ROS1: variants seen among roughly 807,000 people sequenced by gnomAD.
ROS1 encodes proto-oncogene tyrosine-protein kinase ROS.
Under a neutral mutation model 273.5 loss-of-function variants are expected in ROS1, and 263 were observed. The observed-to-expected ratio is 0.96, with a 90% confidence interval of 0.87 to 1.06. The LOEUF (loss-of-function observed/expected upper bound fraction) is 1.06. Ranked by LOEUF, ROS1 falls within the 50% of genes least tolerant of loss-of-function variation. ROS1 has a pLI of 0.00. For missense variants in ROS1, 2,833 were observed against 2,751.1 expected (o/e 1.03, Z -0.67); for synonymous variants, 1,008 against 954.1 (o/e 1.06, Z -1.04).
At chr6:117,363,994 C>T (rs1463474443) in intron 21 of ROS1, among the ~76,000 whole-genome samples, 2 of 152,100 alleles carry the variant, frequency 1.3e-5, no homozygotes, top group Admixed American at 1.3e-4. Flanking sequence ...AGGCAAAGGC[C>T]AAATCTTGTC....
At chr6:117,390,302 T>C (rs1171627761) in intron 12 of ROS1, among the ~76,000 whole-genome samples, 1 of 152,128 alleles carries the variant, frequency 6.6e-6, no homozygotes, top group Non-Finnish European at 1.5e-5. Context: ...AATTTTTGTA[T>C]TTTTTGTGGA....
At position 117,385,745 on chromosome 6, in the gene ROS1, C is replaced by A; in HGVS notation, c.2227G>T (p.Ala743Ser). 1.2e-6 allele frequency: 2 copies of A among 1,614,180 alleles called. No individual in the cohort carries two copies. Among genetic ancestry groups the A allele is most frequent in the South Asian group, 1.1e-5 (1 of 91,084 alleles). ...AGCCACTCAAAAGCTAAAGCCCCTG[C>A]TCCTGCAATGCTGGGTAGGTGATAA... ...ENYHLPSIAG[A>S]GALAFEWLGH... is the part of the protein sequence containing the mutation. The change falls in exon 16 of 44, where the codon GCA (alanine) becomes TCA (serine). Residue 743 changes from alanine (A) to serine (S), a missense_variant. Coordinates refer to ENST00000368507, the MANE Select transcript of ROS1 (RefSeq NM_001378902.1).
At chr6:117,417,779 A>C (rs559051702) in intron 2 of ROS1, among the ~76,000 whole-genome samples, 2 of 152,280 alleles carry the variant, frequency 1.3e-5, no homozygotes, top group South Asian at 2.1e-4. Context: ...TCTCTGATCG[A>C]TAGGCTTTTT....
intron 36 of ROS1, 35 bp downstream of exon 36, chr6:117,321,224 C>T (rs2128563025): frequency 6.2e-7 from 1 of 1,603,280 alleles, no homozygotes; most frequent in Non-Finnish European, 8.5e-7. Context: ...CACCCTTTGC[C>T]TAGGTGCTCC....
Position 117,379,065 on chromosome 6 carries a change from C to A in ROS1, c.2576G>T (p.Gly859Val). 1 of 1,604,538 alleles carries A rather than the reference C, an allele frequency of 6.2e-7. No homozygotes were observed. Among genetic ancestry groups the A allele is most frequent in the East Asian group, 2.2e-5 (1 of 44,812 alleles). The change falls in exon 18 of 44, where the codon GGA (glycine) becomes GTA (valine). Residue 859 changes from glycine to valine, a missense_variant. By Grantham distance (109) the Gly-to-Val change is moderately radical. Coordinates refer to ENST00000368507, the MANE Select transcript of ROS1 (RefSeq NM_001378902.1). ...CIHLYTAVLR[G>V]QSTGDTTITE... is the part of the protein sequence containing the mutation. ...TTTGAGGGACTCTACTTACCTCTGTCCCCGAAGAACAGCTGTGTACAGGTG... is the reference window on the plus strand; with the variant it reads ...TTTGAGGGACTCTACTTACCTCTGTACCCGAAGAACAGCTGTGTACAGGTG...
intron 16 of ROS1, 136 bp downstream of exon 16, chr6:117,385,547 T>C: frequency 1.3e-6 from 1 of 784,208 alleles, no homozygotes; most frequent in South Asian, 2.5e-5. Flanking sequence ...AGTGACTTGG[T>C]TTAAAGATAA....
intron 31 of ROS1, among the ~76,000 whole-genome samples, chr6:117,340,613 G>A (rs1291462895): frequency 1.3e-5 from 2 of 151,984 alleles, no homozygotes; most frequent in African/African-American, 4.8e-5. Flanking sequence ...AAATTCAGTG[G>A]GTGCTTCCTT....
intron 22 of ROS1, among the ~76,000 whole-genome samples, chr6:117,361,881 C>A (rs185833036): frequency 1.3e-5 from 2 of 152,074 alleles, no homozygotes; most frequent in East Asian, 1.9e-4. Flanking sequence ...TTGACTGATA[C>A]TCTCAACGAC....
chr6:117,309,372 A>C lies in ROS1; in HGVS notation c.6417-444T>G, dbSNP rs187351311. 4.6e-5 allele frequency among the ~76,000 whole-genome samples: 7 copies of C among 152,244 alleles called. No homozygotes were observed. The East Asian group carries it at 1.4e-3, about 29-fold the overall frequency. ...TGAATCCCCACTGTAGGCCTCCATT[A>C]TCTAAGAATTTCAGAGCATTGACAT... is the stretch of plus-strand genomic sequence containing the variant. On this transcript the variant is annotated intron_variant, in intron 41 of 43. Transcript: ENST00000368507.
chr6:117,332,757 A>G (rs9489128), intron 32 of ROS1, among the ~76,000 whole-genome samples: 3,578 of 152,310 alleles, frequency 0.023, 52 homozygotes, highest in South Asian at 0.053. Flanking sequence ...TGGGTAAATA[A>G]TGAAATTAAG....
intron 31 of ROS1, among the ~76,000 whole-genome samples, chr6:117,338,340 A>G (rs1037639937): frequency 6.6e-6 from 1 of 152,126 alleles, no homozygotes. Flanking sequence ...CACTATGTAC[A>G]GTAAGAAAGG....
At chr6:117,343,562 A>G (rs569070126) in intron 28 of ROS1, among the ~76,000 whole-genome samples, 45 of 152,350 alleles carry the variant, frequency 3.0e-4, no homozygotes, top group African/African-American at 9.6e-4. Flanking sequence ...TAGGCATACA[A>G]TGATGACTAA....
chr6:117,403,211 C>G lies in ROS1; in HGVS notation c.532G>C (p.Val178Leu), dbSNP rs1774097984. 1.2e-6 allele frequency: 2 copies of G among 1,612,256 alleles called. No homozygotes were observed. The highest frequency in any genetic ancestry group is 2.7e-5 in the African/African-American group (2 of 74,872). ...TGCAGCTGCGCTGTGAAGATCCAAA[C>G]CACTCGGAAAATGTACTCAGTGAAG... is the stretch of plus-strand genomic sequence containing the variant. ...HPFTEYIFRVVWIFTAQLQLY... is the reference protein window; with the variant it reads ...HPFTEYIFRVLWIFTAQLQLY... Residue 178 changes from valine (V) to leucine (L), a missense_variant, in exon 7 of 44, where the codon GTT (valine) becomes CTT (leucine). Val to Leu is a conservative substitution (Grantham distance 32). Transcript: ENST00000368507.
At chr6:117,365,374 T>G (rs1780129550) in intron 20 of ROS1, among the ~76,000 whole-genome samples, 170 bp from the exon 21 acceptor site, 1 of 152,136 alleles carries the variant, frequency 6.6e-6, no homozygotes. Flanking sequence ...CCAGTTAAAG[T>G]GTATCCAGCA....
chr6:117,381,795 A>AGTATT, intron 17 of ROS1, among the ~76,000 whole-genome samples: 3 of 152,170 alleles, frequency 2.0e-5, no homozygotes, highest in Admixed American at 2.0e-4. Flanking sequence ...TGATAGAAAT[A>AGTATT]CTATTAGTTC....
intron 7 of ROS1, among the ~76,000 whole-genome samples, chr6:117,401,316 T>C (rs9385009): frequency 0.066 from 10,039 of 152,058 alleles, 481 homozygotes; most frequent in East Asian, 0.15. Flanking sequence ...TTTGAACAAG[T>C]CCCTCCCCTC....
At chr6:117,319,015 A>T (rs1462417423) in intron 37 of ROS1, among the ~76,000 whole-genome samples, 2 of 152,172 alleles carry the variant, frequency 1.3e-5, no homozygotes, top group Non-Finnish European at 2.9e-5. Context: ...TAAATTAAAG[A>T]ACTTTTAAAT....
chr6:117,367,297 A>G (rs1185207266), intron 18 of ROS1, among the ~76,000 whole-genome samples: 1 of 150,748 alleles, frequency 6.6e-6, no homozygotes, highest in Non-Finnish European at 1.5e-5. Flanking sequence ...AGGGATTTGA[A>G]AAAAAGACAC....
At chr6:117,294,492 A>C (rs1473914880) in intron 43 of ROS1, among the ~76,000 whole-genome samples, 1 of 152,106 alleles carries the variant, frequency 6.6e-6, no homozygotes, top group Non-Finnish European at 1.5e-5. Flanking sequence ...TATCTTTTTC[A>C]TGTGTTCTTG....
Sources: gnomAD v4.1 joint callset for allele counts (sites outside exome capture counted in the v4.1 genomes callset) on GRCh38, gnomAD v4.1.1 for gene constraint, MANE v1.5 for transcripts, NCBI Gene and HGNC (gene_info 2026-07-23, HGNC 2026-07-21) for gene names.